The following IFFO1 variants were observed in gnomAD, a reference collection of about 807,000 sequenced individuals.
IFFO1 encodes intermediate filament family orphan 1.
In IFFO1, 42 loss-of-function variants were observed where a neutral mutation model predicts 59.6. The observed-to-expected ratio is 0.70, with a 90% CI of 0.55 to 0.91. IFFO1 has a LOEUF of 0.91. Ranked by LOEUF, IFFO1 falls within the 40% of genes least tolerant of loss-of-function variation. The pLI is 0.00. For synonymous variants in IFFO1, 336 were observed against 342.8 expected (o/e 0.98, Z 0.22); for missense variants, 711 against 793.2 (o/e 0.90, Z 1.24).
intron 1 of IFFO1, chr12:6,551,641 C>T (rs1947241182): frequency 1.1e-5 from 5 of 451,546 alleles, no homozygotes; most frequent in Non-Finnish European, 8.6e-6. Flanking sequence ...CAGACTGGCT[C>T]AGAGGCCGGA....
rs188143131 is a variant in IFFO1, at chr12:6,548,367, T to C, written c.1383+58A>G. ...CAGAGCAAGGAGAGGAGCGGGGGAG[T>C]GGGCTTCAGGCTGGAGAGGCAGAGC... On this transcript the variant is annotated intron_variant, in intron 7 of 9. Transcript: ENST00000619571. This position sits in a 1 kb window ranked among gnomAD's most constrained non-coding sequence, Gnocchi z 6.1. 4.7e-4 allele frequency: 738 copies of C among 1,563,402 alleles called. 5 individuals are homozygous for C. The African/African-American group carries it at 9.1e-3, about 19-fold the overall frequency.
chr12:6,548,612 C>T lies in IFFO1; in HGVS notation c.1262+56G>A, dbSNP rs1565570725. On this transcript the variant is annotated intron_variant, in intron 6 of 9. Coordinates refer to ENST00000619571, the MANE Select transcript of IFFO1 (RefSeq NM_001193457.2). This position sits in a 1 kb window ranked among gnomAD's most constrained non-coding sequence, Gnocchi z 6.1. ...GTCCTGGCGGGGGACTGGGGAGCTCCGGCCTCCTGGGCTGCTGTGGCGTCG... is the reference window on the plus strand; with the variant it reads ...GTCCTGGCGGGGGACTGGGGAGCTCTGGCCTCCTGGGCTGCTGTGGCGTCG... 61 of 1,613,632 alleles carry T rather than the reference C, an allele frequency of 3.8e-5. No homozygotes were observed. Among genetic ancestry groups the T allele is most frequent in the Non-Finnish European group, 4.4e-5 (52 of 1,179,718 alleles).
intron 8 of IFFO1, among the ~76,000 whole-genome samples, chr12:6,542,001 C>A (rs1429641063): frequency 6.6e-6 from 1 of 152,162 alleles, no homozygotes; most frequent in Non-Finnish European, 1.5e-5. Flanking sequence ...CACCCCTCAT[C>A]CCCTGTACTG....
rs753731831 is a variant in IFFO1 at position 6,541,684 on chromosome 12, G to A, written c.1480-42C>T. The A allele has an allele frequency of 1.2e-5, 20 of 1,611,020 alleles. No individual in the cohort carries two copies. Among genetic ancestry groups the A allele is most frequent in the Admixed American group, 5.0e-5 (3 of 59,992 alleles). On this transcript the variant is annotated intron_variant, in intron 8 of 9. Transcript: ENST00000619571. This position sits in a 1 kb window ranked among gnomAD's most constrained non-coding sequence, Gnocchi z 4.8. ...AGGGCCATCGGGGTTAACAGGTGGC[G>A]TTCACAGCGCCTCTGTTGCCCCCGC...
chr12:6,548,007 C>T lies in IFFO1; in HGVS notation c.1479+58G>A. On this transcript the variant is annotated intron_variant, in intron 8 of 9. Transcript: ENST00000619571. The surrounding 1 kb of genome is among the most constrained non-coding windows in gnomAD (Gnocchi z 6.1). Reference sequence around the variant, plus strand: ...AGCAGGGATGAGGCCACTGCGCCTGCAGCCCCACTCAAAACCCTCTGGGAC... The same window carrying T: ...AGCAGGGATGAGGCCACTGCGCCTGTAGCCCCACTCAAAACCCTCTGGGAC... 1 of 1,291,442 alleles carries T rather than the reference C, an allele frequency of 7.7e-7. No individual in the cohort carries two copies. Among genetic ancestry groups the T allele is most frequent in the Non-Finnish European group, 1.1e-6 (1 of 886,538 alleles). 80.0% of individuals were successfully genotyped at this position (1,291,442 alleles called of 1,614,324 possible). A position where few individuals can be genotyped will look rare whatever the true frequency, so the allele number is the denominator to read the frequency against.
At chr12:6,551,125 G>A (rs937644135) in intron 1 of IFFO1, 124 bp from the exon 2 acceptor site, 5 of 942,902 alleles carry the variant, frequency 5.3e-6, no homozygotes, top group East Asian at 2.6e-5. Flanking sequence ...GGATGGGGAG[G>A]AGCAGGGCAC....
chr12:6,540,555 G>A lies in IFFO1; in HGVS notation c.1644C>T (p.Ser548=). The A allele has an allele frequency of 1.2e-6, 2 of 1,613,892 alleles. No homozygotes were observed. Among genetic ancestry groups the A allele is most frequent in the Non-Finnish European group, 1.7e-6 (2 of 1,180,020 alleles). ...KSPAFTAVPL[S]DPPPPPSEAE... is the part of the protein sequence containing the mutation. ...CCTCGCTTGGCGGCGGCGGCGGGTC[G>A]CTAAGCGGGACCGCAGTGAAAGCAG... is the stretch of plus-strand genomic sequence containing the variant. Residue 548 remains serine, a synonymous_variant, in exon 10 of 10, where the codon AGC becomes AGT. Coordinates refer to ENST00000619571, the MANE Select transcript of IFFO1 (RefSeq NM_001193457.2).
rs1324251814 is a variant in IFFO1, at chr12:6,541,498, G to C, written c.1610+14C>G. On this transcript the variant is annotated intron_variant, in intron 9 of 9. Transcript: ENST00000619571. The surrounding 1 kb of genome is among the most constrained non-coding windows in gnomAD (Gnocchi z 4.8). Reference sequence around the variant, plus strand: ...GTCCCCCTGGAAGGCCCCATGCCCAGGGGAGGCGCCTACCGGTCTCCAGAC... The same window carrying C: ...GTCCCCCTGGAAGGCCCCATGCCCACGGGAGGCGCCTACCGGTCTCCAGAC... The C allele has an allele frequency of 6.2e-7, 1 of 1,612,692 alleles. No individual in the cohort carries two copies. Among genetic ancestry groups the C allele is most frequent in the Non-Finnish European group, 8.5e-7 (1 of 1,179,956 alleles).
chr12:6,554,368 C>T lies in IFFO1; in HGVS notation c.773+889G>A, dbSNP rs532725815. On this transcript the variant is annotated intron_variant, in intron 1 of 9. Transcript: ENST00000619571. ...TGGAGTCTGCAAGACACTACCTCTG[C>T]TCTCACTCCTGTCCTATCGGCTTGG... is the stretch of plus-strand genomic sequence containing the variant. Among the ~76,000 whole-genome samples the T allele has an allele frequency of 2.4e-4, 37 of 152,352 alleles. 2 individuals are homozygous for T. Among genetic ancestry groups the T allele is most frequent in the African/African-American group, 8.2e-4 (34 of 41,582 alleles).
rs1947163861 is a variant in IFFO1 at position 6,549,991 on chromosome 12, T to C, written c.931-95A>G. ...AAGGTCCTCATCCTTCCCACCACAT[T>C]GCACCGGTGCCTCTTCTGTGGAGTC... On this transcript the variant is annotated intron_variant, in intron 3 of 9. Coordinates refer to ENST00000619571, the MANE Select transcript of IFFO1 (RefSeq NM_001193457.2). The surrounding 1 kb of genome is among the most constrained non-coding windows in gnomAD (Gnocchi z 5.0). The C allele has an allele frequency of 7.5e-7, 1 of 1,337,410 alleles. No individual in the cohort carries two copies. The highest frequency in any genetic ancestry group is 1.5e-5 in the African/African-American group (1 of 68,514). 82.8% of individuals were successfully genotyped at this position (1,337,410 alleles called of 1,614,324 possible). A position where few individuals can be genotyped will look rare whatever the true frequency, so the allele number is the denominator to read the frequency against.
intron 1 of IFFO1, among the ~76,000 whole-genome samples, chr12:6,553,415 C>T (rs1206066997): frequency 6.6e-6 from 1 of 152,114 alleles, no homozygotes; most frequent in Non-Finnish European, 1.5e-5. Flanking sequence ...CTGCTGAGCG[C>T]GTAGTTAACT....
In IFFO1 at chr12:6,549,599, A is replaced by T; in HGVS notation, c.1072-115T>A. ...GACAGCTTCCACGATGCCCCTCCTGATGCTGCTCCTTACCCCCCAGTCTAG... is the reference window on the plus strand; with the variant it reads ...GACAGCTTCCACGATGCCCCTCCTGTTGCTGCTCCTTACCCCCCAGTCTAG... On this transcript the variant is annotated intron_variant, in intron 4 of 9. Coordinates refer to ENST00000619571, the MANE Select transcript of IFFO1 (RefSeq NM_001193457.2). The surrounding 1 kb of genome is among the most constrained non-coding windows in gnomAD (Gnocchi z 5.0). 1.5e-6 allele frequency: 2 copies of T among 1,332,776 alleles called. No individual in the cohort carries two copies. Among genetic ancestry groups the T allele is most frequent in the Admixed American group, 3.6e-5 (2 of 56,126 alleles). 82.6% of individuals were successfully genotyped at this position (1,332,776 alleles called of 1,614,324 possible).
At position 6,548,761 on chromosome 12, in the gene IFFO1, G is replaced by A. The variant is rs747868848; in HGVS notation, c.1169C>T (p.Ser390Leu). Residue 390 changes from serine (S) to leucine (L), a missense_variant, in exon 6 of 10, where the codon TCG becomes TTG. Physicochemically the swap from Ser to Leu is moderately radical, Grantham distance 145. Coordinates refer to ENST00000619571, the MANE Select transcript of IFFO1 (RefSeq NM_001193457.2). This position sits in a 1 kb window ranked among gnomAD's most constrained non-coding sequence, Gnocchi z 6.1. The stretch of plus-strand genomic sequence containing the variant: ...GGGCTGGCGGGGCCCCTCACTCTCC[G>A]ACAGGGAGGTGTCCTCCTCGACGGC... ...KAAVEEDTSL[S>L]ESEGPRQPDG... 4.3e-6 allele frequency: 7 copies of A among 1,613,906 alleles called. No individual in the cohort carries two copies. The East Asian group carries it at 6.7e-5, about 15-fold the overall frequency.
At chr12:6,544,969 C>T (rs1269532995) in intron 8 of IFFO1, 1 of 152,216 alleles carries the variant, frequency 6.6e-6, no homozygotes, top group Non-Finnish European at 1.5e-5. Flanking sequence ...AATCCCAGCA[C>T]TTTGGAAGGC....
intron 3 of IFFO1, chr12:6,550,395 G>C: frequency 2.0e-6 from 1 of 504,292 alleles, no homozygotes; most frequent in Non-Finnish European, 3.6e-6. Flanking sequence ...AGGCCTCAGA[G>C]GCTGAGGAAT....
intron 8 of IFFO1, 79 bp downstream of exon 8, chr12:6,547,986 G>T: frequency 9.8e-7 from 1 of 1,021,988 alleles, no homozygotes; most frequent in Non-Finnish European, 1.6e-6. Context: ...TCCTGCAGCA[G>T]GGATGAGGCC....
intron 1 of IFFO1, among the ~76,000 whole-genome samples, chr12:6,553,416 G>A (rs375829119): frequency 1.3e-5 from 2 of 152,256 alleles, no homozygotes; most frequent in South Asian, 2.1e-4. Context: ...TGCTGAGCGC[G>A]TAGTTAACTC....
chr12:6,547,375 C>A (rs1947011775), intron 8 of IFFO1, among the ~76,000 whole-genome samples: 1 of 150,706 alleles, frequency 6.6e-6, no homozygotes, highest in Non-Finnish European at 1.5e-5. Flanking sequence ...AGTGACAGAG[C>A]AAGACCCTGT....
chr12:6,549,620 T>G lies in IFFO1; in HGVS notation c.1071+136A>C. 1 of 1,377,062 alleles carries G rather than the reference T, an allele frequency of 7.3e-7. No individual in the cohort carries two copies. Among genetic ancestry groups the G allele is most frequent in the Non-Finnish European group, 1.0e-6 (1 of 983,016 alleles). The allele number at this position is 1,377,062 out of a possible 1,614,324, so 85.3% of individuals were successfully genotyped here. A position where few individuals can be genotyped will look rare whatever the true frequency, so the allele number is the denominator to read the frequency against. ...CCTGATGCTGCTCCTTACCCCCCAG[T>G]CTAGCCCCGTGAGGGCCCCAGTTGC... On this transcript the variant is annotated intron_variant, in intron 4 of 9. Coordinates refer to ENST00000619571, the MANE Select transcript of IFFO1 (RefSeq NM_001193457.2). This position sits in a 1 kb window ranked among gnomAD's most constrained non-coding sequence, Gnocchi z 5.0.
Sources: allele counts gnomAD v4.1 joint callset (sites outside exome capture counted in the v4.1 genomes callset), GRCh38; gene constraint gnomAD v4.1.1; non-coding constraint Gnocchi (gnomAD v3.1); transcripts MANE v1.5; gene names NCBI Gene and HGNC (gene_info 2026-07-23, HGNC 2026-07-21).